The following GORASP2 variants were observed in gnomAD, a reference collection of about 807,000 sequenced individuals.
GORASP2 encodes golgi reassembly stacking protein 2, also known as Golgi reassembly-stacking protein 2.
In GORASP2, 22 loss-of-function variants were observed where a neutral mutation model predicts 45.7. The ratio of observed to expected loss-of-function variants is 0.48; its 90% confidence interval spans 0.34 to 0.69. GORASP2 has a LOEUF of 0.69. Ranked by LOEUF, GORASP2 falls within the 30% of genes least tolerant of loss-of-function variation. The pLI is 0.01. For synonymous variants in GORASP2, 221 were observed against 215.6 expected (o/e 1.02, Z -0.22); for missense variants, 491 against 562.7 (o/e 0.87, Z 1.29).
intron 2 of GORASP2, among the ~76,000 whole-genome samples, chr2:170,949,309 A>T (rs1384620371): frequency 6.6e-6 from 1 of 152,238 alleles, no homozygotes; most frequent in Non-Finnish European, 1.5e-5. Context: ...TGCAAATTCC[A>T]TAATCCATAA....
chr2:170,948,318 A>G (rs778098645), intron 1 of GORASP2, 32 bp from the exon 2 acceptor site: 1 of 1,301,232 alleles, frequency 7.7e-7, no homozygotes, highest in Non-Finnish European at 1.1e-6. Flanking sequence ...TAAGCTTTAC[A>G]TTTTTTATTT....
At chr2:170,964,034 A>G (rs1010140395) in intron 9 of GORASP2, among the ~76,000 whole-genome samples, 8 of 152,200 alleles carry the variant, frequency 5.3e-5, no homozygotes, top group Non-Finnish European at 8.8e-5. Context: ...ACTCAAAACT[A>G]TGGGAAATTT....
At chr2:170,950,800 A>G (rs1286683208) in intron 4 of GORASP2, among the ~76,000 whole-genome samples, 1 of 152,144 alleles carries the variant, frequency 6.6e-6, no homozygotes, top group Non-Finnish European at 1.5e-5. Context: ...TGGGCAGCAT[A>G]GTGAGACCTT....
At chr2:170,929,185 T>C, upstream of GORASP2, 1 of 506,048 alleles carries the variant, frequency 2.0e-6, no homozygotes, top group East Asian at 3.6e-5. Context: ...CGGCCCGGGC[T>C]GCAGCAGAGA....
intron 1 of GORASP2, 93 bp downstream of exon 1, chr2:170,929,496 G>A (rs1703761351): frequency 1.9e-6 from 2 of 1,038,544 alleles, no homozygotes; most frequent in African/African-American, 1.7e-5. Context: ...TCACGGGGCA[G>A]CCAGGCCCGA....
chr2:170,965,797 A>G lies in GORASP2; in HGVS notation c.1026A>G (p.Pro342=), dbSNP rs763360317. 4 of 1,613,024 alleles carry G rather than the reference A, an allele frequency of 2.5e-6. No homozygotes were observed. Among genetic ancestry groups the G allele is most frequent in the Non-Finnish European group, 2.5e-6 (3 of 1,179,206 alleles). Residue 342 remains proline, a synonymous_variant, in exon 10 of 10, where the codon CCA becomes CCG. Transcript: ENST00000234160. ...ATGCCGTTTTTGTCCTAGGTCTGCC[A>G]CCTCTTCCTTCCATGCCTCCCCGAA... The part of the protein sequence containing the change: ...GLPELVNPGL[P]PLPSMPPRNL...
At chr2:170,929,878 C>G in intron 1 of GORASP2, 1 of 417,564 alleles carries the variant, frequency 2.4e-6, no homozygotes, top group South Asian at 1.6e-5. Flanking sequence ...TAAATCACCT[C>G]GGCGCCGGCC....
intron 1 of GORASP2, chr2:170,936,584 A>G (rs1185547980): frequency 8.9e-6 from 11 of 1,229,186 alleles, no homozygotes; most frequent in Non-Finnish European, 1.1e-5. Flanking sequence ...TTACTGTAGC[A>G]TGAAGATAAT....
intron 1 of GORASP2, among the ~76,000 whole-genome samples, chr2:170,938,331 A>G (rs1430691909): frequency 2.0e-5 from 3 of 152,214 alleles, no homozygotes; most frequent in African/African-American, 7.2e-5. Context: ...TGATTAAGCA[A>G]CAGTTACTTT....
intron 7 of GORASP2, among the ~76,000 whole-genome samples, chr2:170,956,807 G>C (rs532352654): frequency 4.6e-4 from 70 of 152,068 alleles, no homozygotes; most frequent in South Asian, 3.3e-3. Flanking sequence ...CCAGCTCCTC[G>C]AGAGCCTGAG....
intron 1 of GORASP2, among the ~76,000 whole-genome samples, chr2:170,945,480 TGACAGAGTGG>T (rs1264072659): frequency 7.0e-6 from 1 of 142,766 alleles, no homozygotes; most frequent in Non-Finnish European, 1.5e-5. Context: ...ACAGCCTGAG[TGACAGAGTGG>T]GACCTTGTCT....
intron 1 of GORASP2, among the ~76,000 whole-genome samples, chr2:170,934,997 C>G (rs1703915216): frequency 6.6e-6 from 1 of 152,182 alleles, no homozygotes; most frequent in Non-Finnish European, 1.5e-5. Flanking sequence ...CTCGGCCTCC[C>G]AAAGTGCTGG....
At chr2:170,946,557 G>A (rs1251936980) in intron 1 of GORASP2, among the ~76,000 whole-genome samples, 1 of 152,030 alleles carries the variant, frequency 6.6e-6, no homozygotes, top group Admixed American at 6.6e-5. Context: ...TATATTAAAA[G>A]TAATCTCACT....
chr2:170,944,778 G>C (rs1165800256), intron 1 of GORASP2, among the ~76,000 whole-genome samples: 1 of 152,106 alleles, frequency 6.6e-6, no homozygotes, highest in African/African-American at 2.4e-5. Flanking sequence ...GTCTGAAATT[G>C]ATCAGTGACC....
intron 1 of GORASP2, among the ~76,000 whole-genome samples, chr2:170,946,310 AG>A (rs1294414096): frequency 2.0e-5 from 3 of 152,162 alleles, no homozygotes; most frequent in African/African-American, 7.2e-5. Flanking sequence ...GCCATGGAAT[AG>A]TTTTGACAGC....
rs1393285807 is a variant in GORASP2 at position 170,956,579 on chromosome 2, C to A, written c.823+20C>A. On this transcript the variant is annotated intron_variant, in intron 7 of 9. Transcript: ENST00000234160. ...GTACAGGTGTGCAGAAAAATATATT[C>A]TGTTTTCAGTCTATTTTATGTAATA... is the stretch of plus-strand genomic sequence containing the variant. The A allele has an allele frequency of 3.2e-6, 5 of 1,584,680 alleles. No homozygotes were observed. Among genetic ancestry groups the A allele is most frequent in the Admixed American group, 3.7e-5 (2 of 54,066 alleles).
At chr2:170,929,481 C>G in intron 1 of GORASP2, 78 bp downstream of exon 1, 1 of 1,112,804 alleles carries the variant, frequency 9.0e-7, no homozygotes, top group South Asian at 2.3e-5. Flanking sequence ...CCCCCATGGG[C>G]TCCTTCACGG....
At chr2:170,929,431 C>A (rs2105306440) in intron 1 of GORASP2, 28 bp downstream of exon 1, 2 of 1,353,362 alleles carry the variant, frequency 1.5e-6, no homozygotes, top group East Asian at 3.0e-5. Context: ...GGCCGGGGAG[C>A]TGCGGGCTGG....
At chr2:170,929,043 T>G, upstream of GORASP2, 1 of 334,632 alleles carries the variant, frequency 3.0e-6, no homozygotes, top group Non-Finnish European at 5.4e-6. Flanking sequence ...GAAGCGCATT[T>G]CTGTTCTCTC....
Sources: allele counts gnomAD v4.1 joint callset (sites outside exome capture counted in the v4.1 genomes callset), GRCh38; gene constraint gnomAD v4.1.1; transcripts MANE v1.5; gene names NCBI Gene and HGNC (gene_info 2026-07-23, HGNC 2026-07-21).